Variants in ELMOD1 observed in about 807,000 individuals in gnomAD.
ELMOD1 encodes ELMO domain-containing protein 1.
A neutral mutation model predicts 46.7 loss-of-function variants in ELMOD1; 21 were observed. The observed-to-expected ratio is 0.45, with a 90% confidence interval of 0.32 to 0.65. The LOEUF (loss-of-function observed/expected upper bound fraction) is 0.65, where lower values mean the gene tolerates loss of function less well. Ranked by LOEUF, ELMOD1 falls within the 30% of genes least tolerant of loss-of-function variation. The pLI, the probability that ELMOD1 is intolerant of heterozygous loss-of-function variation, is 0.04. For missense variants in ELMOD1, 348 were observed against 407.8 expected, an observed-to-expected ratio of 0.85 and a Z score of 1.26; for synonymous variants, 122 against 138.2, an observed-to-expected ratio of 0.88 and a Z score of 0.82.
chr11:107,610,523 G>A (rs1241036540), intron 1 of ELMOD1, among the ~76,000 whole-genome samples: 1 of 151,952 alleles, frequency 6.6e-6, no homozygotes, highest in Non-Finnish European at 1.5e-5. Context: ...AATTAGCTGT[G>A]TGTGGTGGTG....
chr11:107,664,898 G>C (rs477835), intron 11 of ELMOD1, 127 bp from the exon 12 acceptor site: 91,339 of 798,726 alleles, frequency 0.11, 12,702 homozygotes, highest in African/African-American at 0.52. Context: ...TAGATTTTGA[G>C]GTCTTCTTTG....
rs560440333 is a variant in ELMOD1 at position 107,643,074 on chromosome 11, G to T, written c.421-4394G>T. The T allele has an allele frequency of 1.2e-3, 250 of 214,582 alleles. 1 individual carries two copies. Among genetic ancestry groups the T allele is most frequent in the African/African-American group, 5.7e-3 (240 of 41,996 alleles). The allele number at this position is 214,582 out of a possible 1,614,324, so 13.3% of individuals were successfully genotyped here. A position where few individuals can be genotyped will look rare whatever the true frequency, so the allele number is the denominator to read the frequency against. On this transcript the variant is annotated intron_variant, in intron 6 of 11. Transcript: ENST00000265840. The stretch of plus-strand genomic sequence containing the variant: ...AAGAAGCATGTGGCCAGGCACAGTG[G>T]CTCACGCCTGTAATCCCAGCAATTT...
At chr11:107,641,939 CTTTTTTTTT>C (rs34475862) in intron 6 of ELMOD1, among the ~76,000 whole-genome samples, 1 of 100,460 alleles carries the variant, frequency 1.0e-5, no homozygotes. Context: ...TGAGCTTACT[CTTTTTTTTT>C]TTTTTTTTTT....
At chr11:107,660,442 G>C (rs909606348) in intron 11 of ELMOD1, among the ~76,000 whole-genome samples, 14 of 152,204 alleles carry the variant, frequency 9.2e-5, no homozygotes, top group African/African-American at 3.4e-4. Context: ...CATTGAAATG[G>C]AGTGAGGTTA....
chr11:107,601,997 C>T (rs968264394), intron 1 of ELMOD1, among the ~76,000 whole-genome samples: 8 of 152,158 alleles, frequency 5.3e-5, no homozygotes, highest in Non-Finnish European at 1.2e-4. Context: ...GTCTTTCTCA[C>T]TCTCCATCTC....
intron 1 of ELMOD1, among the ~76,000 whole-genome samples, chr11:107,617,491 C>A (rs1241678056): frequency 6.6e-6 from 1 of 152,190 alleles, no homozygotes; most frequent in Admixed American, 6.5e-5. Flanking sequence ...AGGCTGATAA[C>A]CTGATGTACA....
At chr11:107,624,327 C>T (rs971693399) in intron 2 of ELMOD1, among the ~76,000 whole-genome samples, 2 of 151,934 alleles carry the variant, frequency 1.3e-5, no homozygotes, top group Non-Finnish European at 1.5e-5. Flanking sequence ...AAGTATTATC[C>T]AAAGAGTAAA....
intron 10 of ELMOD1, among the ~76,000 whole-genome samples, chr11:107,654,768 C>CAAAA (rs945140722): frequency 4.5e-5 from 3 of 66,882 alleles, no homozygotes; most frequent in Admixed American, 1.6e-4. Context: ...GACTCCGTCT[C>CAAAA]AAAAAAAAAA....
rs376636940 is a variant in ELMOD1 at position 107,621,165 on chromosome 11, T to C, written c.17+2959T>C. Among the ~76,000 whole-genome samples the C allele has an allele frequency of 2.0e-4, 31 of 152,334 alleles. 1 individual carries two copies. Among genetic ancestry groups the C allele is most frequent in the African/African-American group, 7.2e-4 (30 of 41,582 alleles). On this transcript the variant is annotated intron_variant, in intron 2 of 11. Coordinates refer to ENST00000265840, the MANE Select transcript of ELMOD1 (RefSeq NM_018712.4). ...AAATTAATAAAGGAAAATTTTAAAGTCACCCATGTAAATCATTGCTTCCAA... is the reference window on the plus strand; with the variant it reads ...AAATTAATAAAGGAAAATTTTAAAGCCACCCATGTAAATCATTGCTTCCAA...
At chr11:107,618,344 G>A in intron 2 of ELMOD1, 138 bp downstream of exon 2, 1 of 1,019,468 alleles carries the variant, frequency 9.8e-7, no homozygotes, top group Non-Finnish European at 1.5e-6. Flanking sequence ...CTGCATTTTT[G>A]CTAAGAATAA....
Position 107,622,634 on chromosome 11 carries a change from T to C in ELMOD1, c.17+4428T>C, listed in dbSNP as rs555946422. Among the ~76,000 whole-genome samples the C allele has an allele frequency of 5.3e-5, 8 of 152,346 alleles. No individual in the cohort carries two copies. The East Asian group carries it at 1.5e-3, about 29-fold the overall frequency. ...AGGCAAATTCGGGCTAGACTCCAAG[T>C]CTGACTTTCAGACAAGTTAGTCAAA... On this transcript the variant is annotated intron_variant, in intron 2 of 11. Coordinates refer to ENST00000265840, the MANE Select transcript of ELMOD1 (RefSeq NM_018712.4).
At chr11:107,593,599 C>T (rs999870514) in intron 1 of ELMOD1, among the ~76,000 whole-genome samples, 2 of 152,148 alleles carry the variant, frequency 1.3e-5, no homozygotes, top group Admixed American at 1.3e-4. Context: ...AAGCGTTCTC[C>T]GAGTCCTCTG....
chr11:107,665,016 C>T lies in ELMOD1; in HGVS notation c.833-9C>T. 3 of 1,609,202 alleles carry T rather than the reference C, an allele frequency of 1.9e-6. No homozygotes were observed. The highest frequency in any genetic ancestry group is 2.5e-6 in the Non-Finnish European group (3 of 1,177,210). ...TCCTGCATTCTTATCATTGTATTGTCTCCAACAGGCTATTTGATGCATGAA... is the reference window on the plus strand; with the variant it reads ...TCCTGCATTCTTATCATTGTATTGTTTCCAACAGGCTATTTGATGCATGAA... On this transcript the variant is annotated splice_polypyrimidine_tract_variant and intron_variant, in intron 11 of 11. Transcript: ENST00000265840.
intron 10 of ELMOD1, among the ~76,000 whole-genome samples, chr11:107,654,549 C>A (rs1252458002): frequency 6.6e-6 from 1 of 151,978 alleles, no homozygotes; most frequent in Admixed American, 6.6e-5. Context: ...GCGGGCGGAT[C>A]ACGAGGTCAG....
At position 107,655,975 on chromosome 11, in the gene ELMOD1, A is replaced by G. The variant is rs551025467; in HGVS notation, c.741A>G (p.Ala247=). 1.9e-5 allele frequency: 30 copies of G among 1,601,048 alleles called. No individual in the cohort carries two copies. Among genetic ancestry groups the G allele is most frequent in the East Asian group, 1.8e-4 (8 of 44,696 alleles). ...TGGGCATCAATATAACTGACCTGGC[A>G]TATAATCTACTGGTCAGCGGAGCTC... The part of the protein sequence containing the change: ...AIVGINITDL[A]YNLLVSGALK... The change falls in exon 11 of 12, where the codon GCA becomes GCG. Residue 247 remains alanine (A), a synonymous_variant. Coordinates refer to ENST00000265840, the MANE Select transcript of ELMOD1 (RefSeq NM_018712.4).
chr11:107,634,370 G>A (rs768005122), intron 5 of ELMOD1, among the ~76,000 whole-genome samples: 1 of 152,186 alleles, frequency 6.6e-6, no homozygotes, highest in African/African-American at 2.4e-5. Context: ...ATTGTTTTCT[G>A]TTCTAGTGAT....
At chr11:107,596,909 A>G (rs1865500575) in intron 1 of ELMOD1, among the ~76,000 whole-genome samples, 1 of 152,168 alleles carries the variant, frequency 6.6e-6, no homozygotes. Context: ...AGGCAGAATT[A>G]TCAAATTTTT....
At position 107,635,633 on chromosome 11, in the gene ELMOD1, T is replaced by C; in HGVS notation, c.291-3T>C. The C allele has an allele frequency of 6.2e-7, 1 of 1,612,932 alleles. No homozygotes were observed. Among genetic ancestry groups the C allele is most frequent in the Non-Finnish European group, 8.5e-7 (1 of 1,179,478 alleles). ...GTGTCTCTTCTGTTTTTGAACACCCTAGGCTGGGAATCTCTCTTCAGGCTT... is the reference window on the plus strand; with the variant it reads ...GTGTCTCTTCTGTTTTTGAACACCCCAGGCTGGGAATCTCTCTTCAGGCTT... On this transcript the variant is annotated splice_region_variant and splice_polypyrimidine_tract_variant and intron_variant, in intron 5 of 11. Coordinates refer to ENST00000265840, the MANE Select transcript of ELMOD1 (RefSeq NM_018712.4).
At chr11:107,599,083 G>A (rs755901434) in intron 1 of ELMOD1, among the ~76,000 whole-genome samples, 32 of 152,146 alleles carry the variant, frequency 2.1e-4, no homozygotes, top group Non-Finnish European at 3.7e-4. Context: ...TGGTATTTTC[G>A]AACTAGTGCT....
Sources: allele counts gnomAD v4.1 joint callset (sites outside exome capture counted in the v4.1 genomes callset), GRCh38; gene constraint gnomAD v4.1.1; transcripts MANE v1.5; gene names NCBI Gene and HGNC (gene_info 2026-07-23, HGNC 2026-07-21).